Variants in CD48 observed in about 807,000 individuals in gnomAD.
The protein encoded by CD48 is CD48 molecule.
CD48 carries 20 observed loss-of-function variants against 22.0 expected under a neutral mutation model. The ratio of observed to expected loss-of-function variants is 0.91; its 90% CI spans 0.64 to 1.32. The LOEUF (loss-of-function observed/expected upper bound fraction) is 1.32, where lower values mean the gene tolerates loss of function less well. Among genes scored for constraint, CD48 ranks in the 40% most tolerant of loss-of-function variants. CD48 has a pLI of 0.00. For missense variants in CD48, 307 were observed against 286.5 expected, an observed-to-expected ratio of 1.07 and a Z score of -0.52; for synonymous variants, 110 against 110.1, an observed-to-expected ratio of 1.00 and a Z score of 0.01.
intron 1 of CD48, among the ~76,000 whole-genome samples, chr1:160,704,024 A>T (rs1188619167): frequency 6.6e-6 from 1 of 152,314 alleles, no homozygotes; most frequent in East Asian, 1.9e-4. Flanking sequence ...TGTAAAAAAA[A>T]AATGCTTTCC....
intron 1 of CD48, among the ~76,000 whole-genome samples, chr1:160,702,413 G>A (rs376173122): frequency 1.2e-4 from 18 of 152,216 alleles, no homozygotes; most frequent in African/African-American, 3.9e-4. Context: ...AAGTGGAAAC[G>A]CAATGTTGGT....
At chr1:160,708,607 G>C (rs1412677351) in intron 1 of CD48, among the ~76,000 whole-genome samples, 10 of 152,192 alleles carry the variant, frequency 6.6e-5, no homozygotes, top group Non-Finnish European at 1.5e-4. Context: ...AGAAGCAAGG[G>C]AGAGAAAAGA....
At chr1:160,709,562 G>A (rs865997593) in intron 1 of CD48, among the ~76,000 whole-genome samples, 1 of 152,252 alleles carries the variant, frequency 6.6e-6, no homozygotes, top group East Asian at 1.9e-4. Context: ...GTGGACAGAT[G>A]GGGAATTGGG....
chr1:160,680,789 C>G, intron 3 of CD48: 1 of 1,122,964 alleles, frequency 8.9e-7, no homozygotes, highest in Non-Finnish European at 1.1e-6. Context: ...GACCTCGGTC[C>G]CTCTTTCCTT....
chr1:160,694,468 A>T (rs1016676336), intron 1 of CD48, among the ~76,000 whole-genome samples: 1 of 151,660 alleles, frequency 6.6e-6, no homozygotes, highest in African/African-American at 2.4e-5. Flanking sequence ...CAGCCTCAGA[A>T]GTGTATCAGA....
chr1:160,680,954 G>A (rs1661771725), intron 3 of CD48: 2 of 1,436,618 alleles, frequency 1.4e-6, no homozygotes, highest in East Asian at 2.5e-5. Flanking sequence ...GAGGGAAGAG[G>A]AGTATCAGAG....
intron 1 of CD48, among the ~76,000 whole-genome samples, chr1:160,711,056 C>T (rs1355252317): frequency 3.9e-5 from 6 of 152,172 alleles, no homozygotes; most frequent in African/African-American, 7.2e-5. Flanking sequence ...CTTGGTCACA[C>T]ACCGGGGACC....
At chr1:160,697,604 C>A (rs1366799097) in intron 1 of CD48, among the ~76,000 whole-genome samples, 3 of 149,662 alleles carry the variant, frequency 2.0e-5, no homozygotes, top group Non-Finnish European at 4.5e-5. Context: ...GTCACTCAGG[C>A]CACGGGTAAA....
At chr1:160,693,520 A>G (rs566803255) in intron 1 of CD48, among the ~76,000 whole-genome samples, 1 of 152,416 alleles carries the variant, frequency 6.6e-6, no homozygotes, top group East Asian at 1.9e-4. Flanking sequence ...TTGGAGGAAA[A>G]TGTTATAATT....
Position 160,711,797 on chromosome 1 carries a change from A to T in CD48, c.-34T>A, listed in dbSNP as rs774404943. On this transcript the variant is annotated 5_prime_UTR_variant, in exon 1 of 4. Coordinates refer to ENST00000368046, the MANE Select transcript of CD48 (RefSeq NM_001778.4). ...CCAGAACTTCCCAGCAACGCAGGAG[A>T]CAGTTGAGAGCCTGGCTAGAAAAAG... 9 of 1,518,068 alleles carry T rather than the reference A, an allele frequency of 5.9e-6. No individual in the cohort carries two copies. The highest frequency in any genetic ancestry group is 1.4e-5 in the African/African-American group (1 of 72,882). 94.0% of individuals were successfully genotyped at this position (1,518,068 alleles called of 1,614,324 possible).
At chr1:160,691,803 C>G in intron 1 of CD48, 1 of 368,306 alleles carries the variant, frequency 2.7e-6, no homozygotes, top group Non-Finnish European at 4.8e-6. Context: ...TACACTCGAG[C>G]GTGGTCATTG....
At chr1:160,687,080 T>C (rs574300460) in intron 1 of CD48, among the ~76,000 whole-genome samples, 1 of 152,272 alleles carries the variant, frequency 6.6e-6, no homozygotes, top group South Asian at 2.1e-4. Context: ...GGGGGTGCTG[T>C]TTATAAGCCT....
At chr1:160,695,798 A>G (rs889692530) in intron 1 of CD48, among the ~76,000 whole-genome samples, 8 of 152,282 alleles carry the variant, frequency 5.3e-5, no homozygotes, top group African/African-American at 1.9e-4. Flanking sequence ...GATCTTGTGG[A>G]GTGGTCATTC....
intron 1 of CD48, among the ~76,000 whole-genome samples, chr1:160,690,895 G>T (rs185504416): frequency 1.3e-5 from 2 of 152,160 alleles, no homozygotes; most frequent in South Asian, 4.1e-4. Context: ...GCCTTGAGAT[G>T]CTGTTAATCT....
chr1:160,688,477 G>A (rs1302341875), intron 1 of CD48, among the ~76,000 whole-genome samples: 1 of 152,194 alleles, frequency 6.6e-6, no homozygotes, highest in African/African-American at 2.4e-5. Context: ...TGGAAAGTTT[G>A]ATTATTTGTC....
At chr1:160,698,840 G>A (rs1662522779) in intron 1 of CD48, 4 of 152,582 alleles carry the variant, frequency 2.6e-5, no homozygotes, top group Admixed American at 2.6e-4. Flanking sequence ...GGCAATTGCA[G>A]GAGTTGCTGA....
intron 1 of CD48, among the ~76,000 whole-genome samples, chr1:160,708,489 G>T (rs1662856893): frequency 6.6e-6 from 1 of 152,288 alleles, no homozygotes; most frequent in African/African-American, 2.4e-5. Context: ...GGTGATAAGA[G>T]AAAATGGTGG....
intron 1 of CD48, among the ~76,000 whole-genome samples, chr1:160,711,126 CT>C (rs1662932888): frequency 6.6e-6 from 1 of 152,176 alleles, no homozygotes; most frequent in Non-Finnish European, 1.5e-5. Flanking sequence ...GTTAAGGTTC[CT>C]TTGATGCTGA....
chr1:160,681,115 G>A (rs759754138), intron 3 of CD48, 87 bp downstream of exon 3: 9 of 1,602,122 alleles, frequency 5.6e-6, no homozygotes, highest in African/African-American at 2.7e-5. Context: ...ACTGTGCAAG[G>A]AGGCTGAATA....
Sources: gnomAD v4.1 joint callset for allele counts (sites outside exome capture counted in the v4.1 genomes callset) on GRCh38, gnomAD v4.1.1 for gene constraint, MANE v1.5 for transcripts, NCBI Gene and HGNC (gene_info 2026-07-23, HGNC 2026-07-21) for gene names.